Variants in MDFIC observed in about 807,000 individuals in gnomAD.
MDFIC encodes the protein MyoD family inhibitor domain containing.
In MDFIC, 17 loss-of-function variants were observed where a neutral mutation model predicts 23.2. The observed-to-expected ratio is 0.73, with a 90% CI of 0.50 to 1.10. The LOEUF is 1.10. Ranked by LOEUF, MDFIC falls within the 50% of genes least tolerant of loss-of-function variation. MDFIC has a pLI of 0.00. For synonymous variants in MDFIC, 120 were observed against 115.2 expected (o/e 1.04, Z -0.27); for missense variants, 356 against 316.6 (o/e 1.12, Z -0.95).
At chr7:114,927,745 T>C (rs1448819696) in intron 2 of MDFIC, among the ~76,000 whole-genome samples, 2 of 152,306 alleles carry the variant, frequency 1.3e-5, no homozygotes, top group East Asian at 1.9e-4. Flanking sequence ...ATTGGACTTT[T>C]AGAGCCTGGA....
chr7:114,953,480 A>G (rs772797647), intron 3 of MDFIC, among the ~76,000 whole-genome samples: 12 of 152,198 alleles, frequency 7.9e-5, no homozygotes, highest in Admixed American at 3.9e-4. Flanking sequence ...CTAGTTACCA[A>G]TCTGGTCCTG....
chr7:114,942,343 G>A lies in MDFIC; in HGVS notation c.163G>A (p.Glu55Lys), dbSNP rs776159947. The A allele has an allele frequency of 6.2e-7, 1 of 1,606,746 alleles. No homozygotes were observed. The highest frequency in any genetic ancestry group is 1.1e-5 in the South Asian group (1 of 90,286). ...TACCAATAGCCACTTCACACATGGA[G>A]AGATGCAAGACCAGTCCATTTGGGG... ...QATNSHFTHGEMQDQSIWGNP... is the reference protein window; with the variant it reads ...QATNSHFTHGKMQDQSIWGNP... The change falls in exon 3 of 5, where the codon GAG (glutamate) becomes AAG (lysine). Residue 55 changes from glutamate to lysine, a missense_variant. Transcript: ENST00000393486.
intron 2 of MDFIC, among the ~76,000 whole-genome samples, chr7:114,938,496 G>A (rs1455205210): frequency 6.6e-6 from 1 of 152,118 alleles, no homozygotes; most frequent in Non-Finnish European, 1.5e-5. Context: ...CATATATCAT[G>A]ATGACATCAC....
At chr7:115,012,609 T>G (rs956144357) in intron 4 of MDFIC, among the ~76,000 whole-genome samples, 1 of 152,130 alleles carries the variant, frequency 6.6e-6, no homozygotes, top group Non-Finnish European at 1.5e-5. Context: ...TGGATAAGAT[T>G]GTTTCAAACT....
At chr7:114,994,961 T>C (rs1458895182) in intron 4 of MDFIC, among the ~76,000 whole-genome samples, 1 of 152,216 alleles carries the variant, frequency 6.6e-6, no homozygotes, top group Admixed American at 6.5e-5. Context: ...TTGGTTCCAT[T>C]CTCCCTGTCA....
At chr7:114,933,281 C>T (rs1000142349) in intron 2 of MDFIC, among the ~76,000 whole-genome samples, 7 of 130,050 alleles carry the variant, frequency 5.4e-5, no homozygotes, top group Admixed American at 1.8e-4. Context: ...CCTTTTGAGA[C>T]GGAGTCTCAC....
At chr7:114,991,543 A>G (rs951771953) in intron 4 of MDFIC, among the ~76,000 whole-genome samples, 4 of 152,052 alleles carry the variant, frequency 2.6e-5, no homozygotes, top group Non-Finnish European at 4.4e-5. Flanking sequence ...GTAAGGAAGG[A>G]ATCTAGTTTC....
intron 4 of MDFIC, among the ~76,000 whole-genome samples, chr7:115,010,090 C>T (rs752402182): frequency 6.6e-6 from 1 of 151,980 alleles, no homozygotes; most frequent in Non-Finnish European, 1.5e-5. Flanking sequence ...AAAGATGATT[C>T]CTGACTGCAA....
chr7:114,967,176 G>A (rs964489692), intron 3 of MDFIC, among the ~76,000 whole-genome samples: 23 of 152,256 alleles, frequency 1.5e-4, no homozygotes, highest in Middle Eastern at 3.4e-3. Context: ...TTGTTCAGAT[G>A]CACAAAAGTC....
Position 115,016,317 on chromosome 7 carries a change from A to G in MDFIC, c.*382A>G, listed in dbSNP as rs1791794123. On this transcript the variant is annotated 3_prime_UTR_variant, in exon 5 of 5. Transcript: ENST00000393486. ...TTTAAACGAGGCAGTTTATTTTGAT[A>G]TGTATCTATTCATGATTGAAAGGAA... The G allele has an allele frequency of 4.6e-6, 1 of 216,540 alleles. No individual in the cohort carries two copies. The highest frequency in any genetic ancestry group is 9.3e-6 in the Non-Finnish European group (1 of 107,508). The allele number at this position is 216,540 out of a possible 1,614,324, so 13.4% of individuals were successfully genotyped here. A position where few individuals can be genotyped will look rare whatever the true frequency, so the allele number is the denominator to read the frequency against.
chr7:114,943,431 A>C (rs1383846056), intron 3 of MDFIC, among the ~76,000 whole-genome samples: 4 of 152,160 alleles, frequency 2.6e-5, no homozygotes, highest in African/African-American at 9.7e-5. Context: ...AACACTATTG[A>C]AGGAAATTTC....
At chr7:114,924,633 G>A (rs1388432515) in intron 2 of MDFIC, among the ~76,000 whole-genome samples, 1 of 152,030 alleles carries the variant, frequency 6.6e-6, no homozygotes, top group Non-Finnish European at 1.5e-5. Flanking sequence ...AAACTCTTGG[G>A]TTATATTTTA....
intron 4 of MDFIC, among the ~76,000 whole-genome samples, chr7:115,012,046 T>C (rs1385536381): frequency 6.6e-6 from 1 of 152,240 alleles, no homozygotes; most frequent in African/African-American, 2.4e-5. Flanking sequence ...ATATCCAGTG[T>C]TATCAAACAA....
Position 114,922,968 on chromosome 7 carries a change from T to G in MDFIC, c.-66T>G, listed in dbSNP as rs757949709. On this transcript the variant is annotated 5_prime_UTR_variant, in exon 2 of 5. Coordinates refer to ENST00000393486, the MANE Select transcript of MDFIC (RefSeq NM_001166345.3). Reference sequence around the variant, plus strand: ...GCACCCAGCACCTCACAGCCCTTCCTCCGTGCGCCCTGCCGGGCGGCGAGC... The same window carrying G: ...GCACCCAGCACCTCACAGCCCTTCCGCCGTGCGCCCTGCCGGGCGGCGAGC... The G allele has an allele frequency of 6.4e-6, 10 of 1,556,126 alleles. No homozygotes were observed. The highest frequency in any genetic ancestry group is 8.7e-6 in the Non-Finnish European group (10 of 1,153,080).
chr7:114,934,897 T>G (rs1352808366), intron 2 of MDFIC, among the ~76,000 whole-genome samples: 1 of 152,168 alleles, frequency 6.6e-6, no homozygotes, highest in Non-Finnish European at 1.5e-5. Flanking sequence ...GCAATGTTCC[T>G]TAAAGGTCAT....
chr7:114,973,934 A>G (rs1481048576), intron 3 of MDFIC, among the ~76,000 whole-genome samples: 1 of 152,198 alleles, frequency 6.6e-6, no homozygotes, highest in African/African-American at 2.4e-5. Context: ...CAAATAAAAT[A>G]AAGATGGAAA....
chr7:114,985,185 A>C (rs1010042894), intron 4 of MDFIC, among the ~76,000 whole-genome samples: 1 of 152,190 alleles, frequency 6.6e-6, no homozygotes, highest in Non-Finnish European at 1.5e-5. Flanking sequence ...CATCTCTAAA[A>C]TGGTGATATT....
chr7:115,014,801 A>G (rs770638711), intron 4 of MDFIC, among the ~76,000 whole-genome samples: 5 of 152,212 alleles, frequency 3.3e-5, no homozygotes, highest in Non-Finnish European at 7.4e-5. Context: ...CCAGAATTAT[A>G]AAGGAATGGA....
At position 114,983,563 on chromosome 7, in the gene MDFIC, CTTTTT is replaced by C. The variant is rs11388500; in HGVS notation, c.493+3800_493+3804del. ...AAAGAAGCCTGCACTTCATCAGGTA[CTTTTT>C]TTTTTTTTTTTTTTTTTGAGGTCGT... On this transcript the variant is annotated intron_variant, in intron 4 of 4. Transcript: ENST00000393486. Among the ~76,000 whole-genome samples the C allele has an allele frequency of 5.7e-5, 5 of 88,310 alleles. No individual in the cohort carries two copies. In the Admixed American group the frequency reaches 6.3e-4, roughly 11 times the overall value. 57.9% of individuals were successfully genotyped at this position (88,310 alleles called of 152,430 possible). A position where few individuals can be genotyped will look rare whatever the true frequency, so the allele number is the denominator to read the frequency against.
Sources: allele counts gnomAD v4.1 joint callset (sites outside exome capture counted in the v4.1 genomes callset), GRCh38; gene constraint gnomAD v4.1.1; transcripts MANE v1.5; gene names NCBI Gene and HGNC (gene_info 2026-07-23, HGNC 2026-07-21).